Variants in NTM observed in about 807,000 individuals in gnomAD.
NTM encodes neurotrimin, also known as IgLON family member 2.
A neutral mutation model predicts 42.1 loss-of-function variants in NTM; 13 were observed. The ratio of observed to expected loss-of-function variants is 0.31; its 90% CI spans 0.20 to 0.49. The LOEUF is 0.49. NTM is among the 20% of genes least tolerant of loss of function. The probability of loss-of-function intolerance (pLI) is 0.99; values close to 1 mark genes in which losing one functional copy is unlikely to be tolerated. For synonymous variants in NTM, 187 were observed against 179.2 expected (o/e 1.04, Z -0.35); for missense variants, 373 against 452.8 (o/e 0.82, Z 1.60).
intron 2 of NTM, among the ~76,000 whole-genome samples, chr11:132,099,989 C>T (rs564219976): frequency 6.6e-6 from 1 of 152,216 alleles, no homozygotes; most frequent in Non-Finnish European, 1.5e-5. Context: ...TCCCTTTCTA[C>T]TCACCACCCC....
intron 1 of NTM, among the ~76,000 whole-genome samples, chr11:131,756,051 G>T (rs2083289180): frequency 6.6e-6 from 1 of 152,212 alleles, no homozygotes; most frequent in African/African-American, 2.4e-5. Flanking sequence ...GAAGCTCCTT[G>T]CCAGCATTGG....
chr11:131,852,168 C>T (rs927495196), intron 1 of NTM, among the ~76,000 whole-genome samples: 9 of 152,118 alleles, frequency 5.9e-5, no homozygotes, highest in African/African-American at 7.2e-5. Flanking sequence ...CCATGAGCTG[C>T]GTGCAAATGG....
At position 132,019,876 on chromosome 11, in the gene NTM, T is replaced by C. The variant is rs547733646; in HGVS notation, c.167+108228T>C. On this transcript the variant is annotated intron_variant, in intron 2 of 8. Transcript: ENST00000683400. The stretch of plus-strand genomic sequence containing the variant: ...TTTGGTTTTTTTTTCAGGGGGTACA[T>C]GTGCAGGTTTGTTACAAAGGGATCT... Among the ~76,000 whole-genome samples the C allele has an allele frequency of 5.9e-5, 9 of 152,022 alleles. No individual in the cohort carries two copies. In the South Asian group the frequency reaches 1.2e-3, roughly 21 times the overall value.
At chr11:131,434,580 A>T (rs1948965289) in intron 1 of NTM, among the ~76,000 whole-genome samples, 1 of 152,192 alleles carries the variant, frequency 6.6e-6, no homozygotes, top group South Asian at 2.1e-4. Context: ...GACTGCATAA[A>T]TATCTTCTTT....
intron 3 of NTM, among the ~76,000 whole-genome samples, chr11:132,199,676 G>A (rs192743186): frequency 6.6e-6 from 1 of 151,228 alleles, no homozygotes. Context: ...ACTGGTGAGC[G>A]AGAAAGAAGA....
At chr11:131,616,454 C>A (rs920675393) in intron 1 of NTM, among the ~76,000 whole-genome samples, 1 of 152,180 alleles carries the variant, frequency 6.6e-6, no homozygotes, top group Non-Finnish European at 1.5e-5. Flanking sequence ...GTGAAAATTG[C>A]CACTGCTGAT....
intron 1 of NTM, among the ~76,000 whole-genome samples, chr11:131,791,813 G>A (rs1340311000): frequency 2.6e-5 from 4 of 152,216 alleles, no homozygotes; most frequent in African/African-American, 9.6e-5. Flanking sequence ...TGGCTTTGGA[G>A]GGAGAGTTTG....
chr11:132,331,986 G>T (rs1407962792), intron 8 of NTM, among the ~76,000 whole-genome samples: 1 of 152,186 alleles, frequency 6.6e-6, no homozygotes, highest in East Asian at 1.9e-4. Flanking sequence ...GAAATGTAGT[G>T]CTCGGTCCAC....
At chr11:131,752,967 G>A (rs1208097479) in intron 1 of NTM, among the ~76,000 whole-genome samples, 2 of 152,012 alleles carry the variant, frequency 1.3e-5, no homozygotes, top group Non-Finnish European at 2.9e-5. Context: ...TACAAAATGG[G>A]AGAAAATTTT....
chr11:131,393,439 G>T (rs967773972), intron 1 of NTM, among the ~76,000 whole-genome samples: 1 of 152,222 alleles, frequency 6.6e-6, no homozygotes, highest in African/African-American at 2.4e-5. Flanking sequence ...GTCCCACCAG[G>T]ATTGCCACCT....
chr11:131,949,852 C>A (rs766949784), intron 2 of NTM, among the ~76,000 whole-genome samples: 1 of 152,136 alleles, frequency 6.6e-6, no homozygotes, highest in Non-Finnish European at 1.5e-5. Flanking sequence ...CCTTCTAATG[C>A]CCCAAACTCC....
chr11:132,203,792 G>A (rs150122718), intron 3 of NTM, among the ~76,000 whole-genome samples: 6 of 152,008 alleles, frequency 3.9e-5, no homozygotes, highest in African/African-American at 1.5e-4. Context: ...CCAGCTACTC[G>A]GGAGGCTGAG....
At chr11:131,787,436 G>A (rs918907286) in intron 1 of NTM, among the ~76,000 whole-genome samples, 2 of 151,154 alleles carry the variant, frequency 1.3e-5, no homozygotes, top group African/African-American at 4.9e-5. Flanking sequence ...CTGGAGTGCA[G>A]TGGCATGAGC....
chr11:131,894,010 C>T (rs1298200798), intron 1 of NTM, among the ~76,000 whole-genome samples: 4 of 152,172 alleles, frequency 2.6e-5, no homozygotes, highest in Admixed American at 2.0e-4. Context: ...GAATATCTGG[C>T]ATTTTTAGCT....
intron 2 of NTM, among the ~76,000 whole-genome samples, chr11:132,063,205 A>G (rs543103629): frequency 6.6e-5 from 10 of 151,970 alleles, no homozygotes; most frequent in Non-Finnish European, 8.8e-5. Context: ...GGAAGTCTCT[A>G]CTCTCCTTAC....
intron 2 of NTM, among the ~76,000 whole-genome samples, chr11:132,117,568 C>A (rs189208958): frequency 6.6e-6 from 1 of 152,124 alleles, no homozygotes; most frequent in Non-Finnish European, 1.5e-5. Flanking sequence ...GCAGACCAAC[C>A]GGGCCCTTTG....
At chr11:131,913,690 T>C (rs776768534) in intron 2 of NTM, among the ~76,000 whole-genome samples, 79 of 152,238 alleles carry the variant, frequency 5.2e-4, no homozygotes, top group Non-Finnish European at 1.0e-3. Context: ...CCAGTGGTAT[T>C]GTTTGGGTGT....
chr11:132,020,993 C>A (rs1461528198), intron 2 of NTM, among the ~76,000 whole-genome samples: 1 of 151,818 alleles, frequency 6.6e-6, no homozygotes, highest in Non-Finnish European at 1.5e-5. Context: ...TTTTTGCTTC[C>A]TCTTTGCTCT....
chr11:132,176,614 C>T (rs2076845415), intron 3 of NTM, among the ~76,000 whole-genome samples: 1 of 151,312 alleles, frequency 6.6e-6, no homozygotes. Context: ...TAGATATCCT[C>T]TCAGATTATG....
Sources: allele counts gnomAD v4.1 joint callset (sites outside exome capture counted in the v4.1 genomes callset), GRCh38; gene constraint gnomAD v4.1.1; transcripts MANE v1.5; gene names NCBI Gene and HGNC (gene_info 2026-07-23, HGNC 2026-07-21).